COL22A1: variants seen among roughly 807,000 people sequenced by gnomAD.
The protein encoded by COL22A1 is collagen type XXII alpha 1 chain.
COL22A1 carries 221 observed loss-of-function variants against 248.9 expected under a neutral mutation model. That is an observed-to-expected ratio of 0.89 (90% CI 0.80 to 0.99). The LOEUF (loss-of-function observed/expected upper bound fraction) is 0.99. COL22A1 is among the 50% of genes least tolerant of loss of function. The probability of loss-of-function intolerance (pLI) is 0.00; values close to 1 mark genes in which losing one functional copy is unlikely to be tolerated. For missense variants in COL22A1, 2,240 were observed against 2,179.0 expected (o/e 1.03, Z -0.56); for synonymous variants, 891 against 793.4 (o/e 1.12, Z -2.07).
intron 1 of COL22A1, among the ~76,000 whole-genome samples, chr8:138,897,085 T>C (rs1825474055): frequency 6.6e-6 from 1 of 152,270 alleles, no homozygotes; most frequent in East Asian, 1.9e-4. Context: ...ATTATCTATC[T>C]GTTTTATAGA....
At chr8:138,903,006 G>A (rs1385837902) in intron 1 of COL22A1, among the ~76,000 whole-genome samples, 5 of 152,050 alleles carry the variant, frequency 3.3e-5, no homozygotes, top group African/African-American at 4.8e-5. Context: ...TCAGACTGGC[G>A]GGGCTAACAC....
chr8:138,735,433 C>T (rs1373426879), intron 23 of COL22A1, among the ~76,000 whole-genome samples: 1 of 152,058 alleles, frequency 6.6e-6, no homozygotes, highest in East Asian at 1.9e-4. Context: ...CAATGTCTGG[C>T]CTTCAGTAAA....
At chr8:138,903,319 C>T (rs773016418) in intron 1 of COL22A1, among the ~76,000 whole-genome samples, 28 of 152,164 alleles carry the variant, frequency 1.8e-4, no homozygotes, top group African/African-American at 4.3e-4. Flanking sequence ...GGATCACCAA[C>T]GGCTTCCTGA....
At chr8:138,876,908 C>T (rs1823757436) in intron 3 of COL22A1, among the ~76,000 whole-genome samples, 1 of 152,250 alleles carries the variant, frequency 6.6e-6, no homozygotes, top group Admixed American at 6.5e-5. Flanking sequence ...GAAGATTACT[C>T]AGCACCCACT....
chr8:138,826,511 G>T, intron 6 of COL22A1, 147 bp downstream of exon 6: 2 of 770,368 alleles, frequency 2.6e-6, no homozygotes, highest in Non-Finnish European at 4.2e-6. Context: ...CCCCCTGCAG[G>T]TCCTCTGAGC....
intron 61 of COL22A1, among the ~76,000 whole-genome samples, chr8:138,598,270 C>T (rs992458247): frequency 4.6e-5 from 7 of 152,140 alleles, no homozygotes; most frequent in South Asian, 2.1e-4. Flanking sequence ...TACTCTAGGT[C>T]GGCAGATACA....
rs1253727568 is a variant in COL22A1 at position 138,796,847 on chromosome 8, G to T, written c.1568C>A (p.Pro523His). The T allele has an allele frequency of 6.3e-6, 10 of 1,599,986 alleles. No individual in the cohort carries two copies. In the South Asian group the frequency reaches 7.7e-5, roughly 12 times the overall value. ...TTCACCCTTTTCCCCTTGGCCAAAA[G>T]GTCCTATGCCCTAGAAAAATGAAAG... The part of the protein sequence containing the change: ...KGEKGDVGIG[P>H]FGQGEKGEKG... Residue 523 changes from proline to histidine, a missense_variant, in exon 12 of 65, where the codon CCT becomes CAT. Pro to His is a moderately conservative substitution (Grantham distance 77). Coordinates refer to ENST00000303045, the MANE Select transcript of COL22A1 (RefSeq NM_152888.3).
At chr8:138,809,528 C>CATTTTTTTTTT (rs1554633656) in intron 9 of COL22A1, among the ~76,000 whole-genome samples, 1 of 117,630 alleles carries the variant, frequency 8.5e-6, no homozygotes, top group African/African-American at 3.3e-5. Context: ...TTTTCTTTTT[C>CATTTTTTTTTT]TTTTTTTTTT....
At position 138,737,286 on chromosome 8, in the gene COL22A1, C is replaced by T. The variant is rs147738767; in HGVS notation, c.2139+238G>A. On this transcript the variant is annotated intron_variant, in intron 23 of 64. Coordinates refer to ENST00000303045, the MANE Select transcript of COL22A1 (RefSeq NM_152888.3). The stretch of plus-strand genomic sequence containing the variant: ...CTAGGACTGCTCATCACTTTTATCA[C>T]CCCCATCTGCCTCCAGATGGAAATT... Among the ~76,000 whole-genome samples, 275 of 152,292 alleles carry T rather than the reference C, an allele frequency of 1.8e-3. 3 individuals are homozygous for T. Among genetic ancestry groups the T allele is most frequent in the African/African-American group, 4.0e-3 (166 of 41,554 alleles).
rs369918552 is a variant in COL22A1 at position 138,782,792 on chromosome 8, G to A, written c.1597-1812C>T. Among the ~76,000 whole-genome samples the A allele has an allele frequency of 1.6e-3, 250 of 152,250 alleles. 1 individual carries two copies. Among genetic ancestry groups the A allele is most frequent in the African/African-American group, 4.9e-3 (204 of 41,538 alleles). Reference sequence around the variant, plus strand: ...AGAATTGGGCTTCCTGGTACTGTCCGTTCTCCCAGTGACCCAGGCCCACGA... The same window carrying A: ...AGAATTGGGCTTCCTGGTACTGTCCATTCTCCCAGTGACCCAGGCCCACGA... On this transcript the variant is annotated intron_variant, in intron 12 of 64. Transcript: ENST00000303045.
At position 138,722,039 on chromosome 8, in the gene COL22A1, G is replaced by A. The variant is rs1339314425; in HGVS notation, c.2298C>T (p.Thr766=). 1 of 1,574,826 alleles carries A rather than the reference G, an allele frequency of 6.3e-7. No homozygotes were observed. The highest frequency in any genetic ancestry group is 2.3e-5 in the East Asian group (1 of 43,596). Residue 766 remains threonine (T), a synonymous_variant, in exon 26 of 65, where the codon ACC becomes ACT. Coordinates refer to ENST00000303045, the MANE Select transcript of COL22A1 (RefSeq NM_152888.3). ...GCCAACCGCATCAGTGACCAACCTTGGTTCCTGGCGGACCTGGTGGTCCAT... is the reference window on the plus strand; with the variant it reads ...GCCAACCGCATCAGTGACCAACCTTAGTTCCTGGCGGACCTGGTGGTCCAT... ...GPNGPPGPPG[T]KGEPGERGED...
Position 138,594,130 on chromosome 8 carries a change from G to T in COL22A1, c.4502C>A (p.Pro1501His), listed in dbSNP as rs1455816863. 1.3e-6 allele frequency: 2 copies of T among 1,576,060 alleles called. No individual in the cohort carries two copies. The highest frequency in any genetic ancestry group is 2.8e-5 in the African/African-American group (2 of 71,502). The stretch of plus-strand genomic sequence containing the variant: ...CCCATCTTTTCCAGGGGGCCCTGGG[G>T]GCCCAGGTCTGCCTTGAGATGACTT... ...YMKSSQGRPG[P>H]PGPPGKDGLP... is the part of the protein sequence containing the mutation. The change falls in exon 63 of 65, where the codon CCC (proline) becomes CAC (histidine). Residue 1501 changes from proline to histidine, a missense_variant. By Grantham distance (77) the Pro-to-His change is moderately conservative. Coordinates refer to ENST00000303045, the MANE Select transcript of COL22A1 (RefSeq NM_152888.3).
At chr8:138,706,502 C>T (rs1419394506) in intron 30 of COL22A1, among the ~76,000 whole-genome samples, 2 of 152,062 alleles carry the variant, frequency 1.3e-5, no homozygotes, top group Non-Finnish European at 2.9e-5. Context: ...ACCACTCAAC[C>T]ACATGGAAAC....
chr8:138,872,917 A>G (rs551248013), intron 3 of COL22A1, among the ~76,000 whole-genome samples: 1 of 152,014 alleles, frequency 6.6e-6, no homozygotes, highest in Admixed American at 6.6e-5. Flanking sequence ...GTCTGCTGAT[A>G]CTCTTTTTCA....
intron 5 of COL22A1, among the ~76,000 whole-genome samples, chr8:138,829,401 C>CTTT (rs1483155408): frequency 3.6e-5 from 3 of 82,250 alleles, no homozygotes; most frequent in African/African-American, 8.3e-5. Flanking sequence ...CCTTCCTTTC[C>CTTT]TGTTTTTTTT....
chr8:138,772,747 G>A (rs1293727273), intron 16 of COL22A1, among the ~76,000 whole-genome samples: 1 of 152,156 alleles, frequency 6.6e-6, no homozygotes, highest in Non-Finnish European at 1.5e-5. Flanking sequence ...TGTAGTCCCA[G>A]CTACTCAGGA....
At chr8:138,716,198 T>G (rs774865293) in intron 29 of COL22A1, 29 bp downstream of exon 29, 2 of 1,550,964 alleles carry the variant, frequency 1.3e-6, no homozygotes, top group South Asian at 1.2e-5. Context: ...GAGGTTCCTG[T>G]GTGGGAGGAA....
At chr8:138,757,616 G>A (rs760128909) in intron 18 of COL22A1, among the ~76,000 whole-genome samples, 5 of 152,214 alleles carry the variant, frequency 3.3e-5, no homozygotes, top group Non-Finnish European at 7.3e-5. Flanking sequence ...ACAACTGTGT[G>A]TATACAGCTA....
intron 35 of COL22A1, among the ~76,000 whole-genome samples, chr8:138,693,266 G>A (rs1827231716): frequency 6.6e-6 from 1 of 152,114 alleles, no homozygotes; most frequent in South Asian, 2.1e-4. Context: ...GTGTGTGTGT[G>A]CACCTGTGCA....
Sources: gnomAD v4.1 joint callset for allele counts (sites outside exome capture counted in the v4.1 genomes callset) on GRCh38, gnomAD v4.1.1 for gene constraint, MANE v1.5 for transcripts, NCBI Gene and HGNC (gene_info 2026-07-23, HGNC 2026-07-21) for gene names.